Variants in IL4R observed in about 807,000 individuals in gnomAD.
IL4R encodes interleukin-4 receptor subunit alpha.
Under a neutral mutation model 41.5 loss-of-function variants are expected in IL4R, and 17 were observed. The observed-to-expected ratio is 0.41, with a 90% CI of 0.28 to 0.61. The LOEUF (loss-of-function observed/expected upper bound fraction) is 0.61, where lower values mean the gene tolerates loss of function less well. IL4R is among the 20% of genes least tolerant of loss of function. The pLI is 0.31. For missense variants in IL4R, 974 were observed against 1,043.1 expected (o/e 0.93, Z 0.91); for synonymous variants, 402 against 422.9 (o/e 0.95, Z 0.61).
intron 6 of IL4R, among the ~76,000 whole-genome samples, chr16:27,347,104 C>T (rs2085675352): frequency 6.6e-6 from 1 of 152,238 alleles, no homozygotes; most frequent in African/African-American, 2.4e-5. Context: ...CAGGCTTAGA[C>T]TTTCCCAAGA....
intron 1 of IL4R, chr16:27,318,669 G>A (rs1187155409): frequency 6.6e-6 from 1 of 152,204 alleles, no homozygotes; most frequent in East Asian, 1.9e-4. Context: ...CTTCTCGTTT[G>A]CTTAAGAAAT....
chr16:27,363,430 C>T lies in IL4R; in HGVS notation c.2078C>T (p.Pro693Leu), dbSNP rs765228586. 8.7e-6 allele frequency: 14 copies of T among 1,614,150 alleles called. No homozygotes were observed. In the African/African-American group the frequency reaches 9.3e-5, roughly 11 times the overall value. The change falls in exon 11 of 11, where the codon CCA (proline) becomes CTA (leucine). Residue 693 changes from proline to leucine, a missense_variant. Pro to Leu is a moderately conservative substitution (Grantham distance 98, BLOSUM62 -3). Transcript: ENST00000395762. ...GEKVEDMPKPPLPQEQATDPL... is the reference protein window; with the variant it reads ...GEKVEDMPKPLLPQEQATDPL... ...AAGGTAGAGGACATGCCAAAGCCCC[C>T]ACTTCCCCAGGAGCAGGCCACAGAC... is the stretch of plus-strand genomic sequence containing the variant.
intron 1 of IL4R, among the ~76,000 whole-genome samples, chr16:27,324,419 G>A (rs972059616): frequency 2.6e-5 from 4 of 152,166 alleles, no homozygotes; most frequent in South Asian, 4.1e-4. Context: ...TCATCCTGTC[G>A]TTCTTCCATT....
At chr16:27,315,555 T>C in intron 1 of IL4R, 1 of 152,544 alleles carries the variant, frequency 6.6e-6, no homozygotes, top group Non-Finnish European at 1.5e-5. Flanking sequence ...CCAGGGACCC[T>C]GAGCTAGCCT....
chr16:27,361,616 T>G (rs1336823723), intron 10 of IL4R, among the ~76,000 whole-genome samples: 1 of 146,758 alleles, frequency 6.8e-6, no homozygotes, highest in African/African-American at 2.6e-5. Flanking sequence ...GCATCTTTTT[T>G]TTTTTTTTTT....
chr16:27,347,790 C>T (rs1381521236), intron 6 of IL4R, among the ~76,000 whole-genome samples: 2 of 152,226 alleles, frequency 1.3e-5, no homozygotes, highest in African/African-American at 4.8e-5. Flanking sequence ...GGGCATATCC[C>T]ATAACCTCTT....
At position 27,346,421 on chromosome 16, in the gene IL4R, G is replaced by A. The variant is rs550570066; in HGVS notation, c.362-46G>A. 4.4e-6 allele frequency: 7 copies of A among 1,607,526 alleles called. No individual in the cohort carries two copies. The South Asian group carries it at 7.7e-5, about 18-fold the overall frequency. On this transcript the variant is annotated intron_variant, in intron 5 of 10. Transcript: ENST00000395762. ...AGGCCGGGGCTGGGCTGGGTGATGG[G>A]GGAGTCACTGCATAGATCCTCACAT...
intron 1 of IL4R, among the ~76,000 whole-genome samples, chr16:27,325,227 T>G (rs2084925508): frequency 6.6e-6 from 1 of 151,728 alleles, no homozygotes; most frequent in Non-Finnish European, 1.5e-5. Context: ...CCTGCCTGCC[T>G]ATTCGCTGGG....
chr16:27,340,412 A>G (rs2085403435), intron 3 of IL4R, 139 bp downstream of exon 3: 3 of 667,738 alleles, frequency 4.5e-6, no homozygotes, highest in Non-Finnish European at 8.0e-6. Flanking sequence ...ATTATCAGTA[A>G]ATTCTAAAGA....
chr16:27,358,113 C>T (rs1567333541), intron 8 of IL4R, among the ~76,000 whole-genome samples: 1 of 152,064 alleles, frequency 6.6e-6, no homozygotes, highest in Non-Finnish European at 1.5e-5. Flanking sequence ...AGGCTGGTCT[C>T]GAACTTCTGA....
intron 6 of IL4R, among the ~76,000 whole-genome samples, chr16:27,346,849 C>T (rs1022884431): frequency 7.2e-5 from 11 of 152,350 alleles, no homozygotes; most frequent in African/African-American, 2.6e-4. Flanking sequence ...CTGCATGCCG[C>T]TCCTCCTCTG....
At chr16:27,352,290 G>A (rs3024607) in intron 6 of IL4R, among the ~76,000 whole-genome samples, 12,206 of 152,200 alleles carry the variant, frequency 0.08, 570 homozygotes, top group Middle Eastern at 0.12. Context: ...ATTATCTCAC[G>A]AAAACTCAGA....
At chr16:27,336,839 G>A (rs2085274869) in intron 2 of IL4R, among the ~76,000 whole-genome samples, 1 of 152,076 alleles carries the variant, frequency 6.6e-6, no homozygotes, top group Admixed American at 6.6e-5. Context: ...AGCACTTTGG[G>A]AGGCTGAGGC....
chr16:27,356,395 C>T (rs1028962634), intron 8 of IL4R, among the ~76,000 whole-genome samples: 1 of 151,924 alleles, frequency 6.6e-6, no homozygotes, highest in Non-Finnish European at 1.5e-5. Flanking sequence ...CCAACCAGGA[C>T]TCCACATTTC....
Position 27,344,854 on chromosome 16 carries a change from C to A in IL4R, c.210-15C>A, listed in dbSNP as rs1187626139. 1.9e-6 allele frequency: 3 copies of A among 1,613,544 alleles called. No homozygotes were observed. The highest frequency in any genetic ancestry group is 1.1e-5 in the South Asian group (1 of 91,030). ...CCTACAGGTGACCAGCCTAACCCAG[C>A]CCCTGTGTCTGCAGAGCCCACACGT... On this transcript the variant is annotated splice_polypyrimidine_tract_variant and intron_variant, in intron 4 of 10. Coordinates refer to ENST00000395762, the MANE Select transcript of IL4R (RefSeq NM_000418.4).
At chr16:27,343,363 A>T (rs1316671061) in intron 4 of IL4R, among the ~76,000 whole-genome samples, 1 of 152,120 alleles carries the variant, frequency 6.6e-6, no homozygotes, top group Non-Finnish European at 1.5e-5. Context: ...ATTGGAACAC[A>T]CTGGCTGCTG....
intron 4 of IL4R, among the ~76,000 whole-genome samples, chr16:27,342,855 C>G (rs186988948): frequency 2.0e-5 from 3 of 152,172 alleles, no homozygotes; most frequent in Non-Finnish European, 4.4e-5. Flanking sequence ...ATCTTCAGAT[C>G]AATTACATGA....
At chr16:27,325,435 G>A (rs1441062500) in intron 1 of IL4R, among the ~76,000 whole-genome samples, 1 of 152,004 alleles carries the variant, frequency 6.6e-6, no homozygotes, top group Non-Finnish European at 1.5e-5. Context: ...TTAGCTGGGC[G>A]TTGTTGTGGG....
intron 6 of IL4R, among the ~76,000 whole-genome samples, chr16:27,346,847 C>T (rs1006227812): frequency 6.6e-6 from 1 of 152,196 alleles, no homozygotes; most frequent in Admixed American, 6.5e-5. Context: ...CTCTGCATGC[C>T]GCTCCTCCTC....
Sources: gnomAD v4.1 joint callset for allele counts (sites outside exome capture counted in the v4.1 genomes callset) on GRCh38, gnomAD v4.1.1 for gene constraint, MANE v1.5 for transcripts, NCBI Gene and HGNC (gene_info 2026-07-23, HGNC 2026-07-21) for gene names.